KATNAL1: variants seen among roughly 807,000 people sequenced by gnomAD.
KATNAL1 encodes the protein katanin catalytic subunit A1 like 1, also known as katanin p60 ATPase-containing subunit A-like 1.
In KATNAL1, 32 loss-of-function variants were observed where a neutral mutation model predicts 55.2. That is an observed-to-expected ratio of 0.58 (90% CI 0.44 to 0.78). The LOEUF (loss-of-function observed/expected upper bound fraction) is 0.78. Ranked by LOEUF, KATNAL1 falls within the 30% of genes least tolerant of loss-of-function variation. The pLI is 0.00. For synonymous variants in KATNAL1, 193 were observed against 193.6 expected (o/e 1.00, Z 0.02); for missense variants, 466 against 600.9 (o/e 0.78, Z 2.35).
At chr13:30,297,676 T>G (rs1018073779) in intron 1 of KATNAL1, among the ~76,000 whole-genome samples, 1 of 152,342 alleles carries the variant, frequency 6.6e-6, no homozygotes, top group East Asian at 1.9e-4. Flanking sequence ...CATGGAATAC[T>G]ATATGGTCTT....
intron 3 of KATNAL1, among the ~76,000 whole-genome samples, chr13:30,264,647 G>C (rs1879596008): frequency 7.0e-6 from 1 of 143,802 alleles, no homozygotes; most frequent in African/African-American, 2.5e-5. Context: ...GGCCATCAGA[G>C]AAACGCAAAT....
chr13:30,223,314 C>A (rs1381753626), intron 9 of KATNAL1, among the ~76,000 whole-genome samples: 1 of 142,036 alleles, frequency 7.0e-6, no homozygotes, highest in African/African-American at 2.6e-5. Flanking sequence ...TGGTGGCAGG[C>A]GCCTGTGGTC....
rs914593038 is a variant in KATNAL1 at position 30,202,961 on chromosome 13, T to A, written c.*5579A>T. ...TGTCAGTAAAAATGTGACAAAAATG[T>A]GATGTTTTTCCAGGTTTGTGTGTTT... On this transcript the variant is annotated 3_prime_UTR_variant, in exon 11 of 11. Transcript: ENST00000380615. The A allele has an allele frequency of 3.9e-5, 6 of 152,168 alleles. No homozygotes were observed. Among genetic ancestry groups the A allele is most frequent in the Admixed American group, 2.6e-4 (4 of 15,276 alleles). 9.4% of individuals were successfully genotyped at this position (152,168 alleles called of 1,614,324 possible). A position where few individuals can be genotyped will look rare whatever the true frequency, so the allele number is the denominator to read the frequency against.
chr13:30,227,426 A>G lies in KATNAL1; in HGVS notation c.1133T>C (p.Ile378Thr). The G allele has an allele frequency of 6.2e-7, 1 of 1,613,846 alleles. No individual in the cohort carries two copies. Among genetic ancestry groups the G allele is most frequent in the Non-Finnish European group, 8.5e-7 (1 of 1,179,762 alleles). Reference protein sequence around the residue: ...LRRRLEKRIYIPLPTAKGRAE... With the variant: ...LRRRLEKRIYTPLPTAKGRAE... ...AGACATCATACCTGTTGGGAGAGGT[A>G]TATATATCCTTTTTTCTAACCTTCT... is the stretch of plus-strand genomic sequence containing the variant. The change falls in exon 9 of 11, where the codon ATA becomes ACA. Residue 378 changes from isoleucine (I) to threonine (T), a missense_variant. Coordinates refer to ENST00000380615, the MANE Select transcript of KATNAL1 (RefSeq NM_032116.5).
chr13:30,232,062 G>A lies in KATNAL1; in HGVS notation c.727-590C>T, dbSNP rs182559723. 1.0e-3 allele frequency among the ~76,000 whole-genome samples: 153 copies of A among 152,242 alleles called. 1 individual carries two copies. Among genetic ancestry groups the A allele is most frequent in the African/African-American group, 3.5e-3 (147 of 41,542 alleles). ...GCTTATATAAAATAGTAATAGTGAT[G>A]AAAGAACCAGTACAGAATAAAAACT... On this transcript the variant is annotated intron_variant, in intron 6 of 10. Coordinates refer to ENST00000380615, the MANE Select transcript of KATNAL1 (RefSeq NM_032116.5).
At chr13:30,277,243 A>C (rs78994453) in intron 3 of KATNAL1, among the ~76,000 whole-genome samples, 3,083 of 152,348 alleles carry the variant, frequency 0.02, 40 homozygotes, top group Non-Finnish European at 0.032. Context: ...CTCTGAAAGA[A>C]TGCTGTAGTC....
rs147135930 is a variant in KATNAL1 at position 30,244,831 on chromosome 13, C to G, written c.493-3745G>C. On this transcript the variant is annotated intron_variant, in intron 4 of 10. Transcript: ENST00000380615. ...GGATAAATTCCTGGACACATACACCCTCCCAAGACTAAACCAGGAAGAAGT... is the reference window on the plus strand; with the variant it reads ...GGATAAATTCCTGGACACATACACCGTCCCAAGACTAAACCAGGAAGAAGT... Among the ~76,000 whole-genome samples the G allele has an allele frequency of 1.1e-4, 16 of 152,206 alleles. No homozygotes were observed. The East Asian group carries it at 2.9e-3, about 28-fold the overall frequency.
intron 4 of KATNAL1, among the ~76,000 whole-genome samples, chr13:30,248,131 A>T (rs7327225): frequency 0.035 from 5,263 of 152,338 alleles, 102 homozygotes; most frequent in African/African-American, 0.051. Flanking sequence ...TGAAATACAG[A>T]AAGACTGTTC....
chr13:30,245,424 A>G (rs1221806960), intron 4 of KATNAL1, among the ~76,000 whole-genome samples: 1 of 152,222 alleles, frequency 6.6e-6, no homozygotes, highest in East Asian at 1.9e-4. Context: ...AGAGCTATTC[A>G]TGACAAACCC....
At chr13:30,302,077 G>T (rs886353306) in intron 1 of KATNAL1, among the ~76,000 whole-genome samples, 3 of 152,146 alleles carry the variant, frequency 2.0e-5, no homozygotes, top group Admixed American at 1.3e-4. Flanking sequence ...TCGCCATGTT[G>T]CCCAGGCAAC....
chr13:30,291,984 G>A (rs182904092), intron 1 of KATNAL1, among the ~76,000 whole-genome samples: 137 of 152,106 alleles, frequency 9.0e-4, no homozygotes, highest in Admixed American at 2.8e-3. Flanking sequence ...GCAGTGAGCC[G>A]AGATCGCGCC....
chr13:30,206,536 G>A lies in KATNAL1; in HGVS notation c.*2004C>T, dbSNP rs931678279. The A allele has an allele frequency of 6.6e-6, 1 of 151,988 alleles. No individual in the cohort carries two copies. The highest frequency in any genetic ancestry group is 1.9e-4 in the East Asian group (1 of 5,182). 9.4% of individuals were successfully genotyped at this position (151,988 alleles called of 1,614,324 possible). A position where few individuals can be genotyped will look rare whatever the true frequency, so the allele number is the denominator to read the frequency against. The stretch of plus-strand genomic sequence containing the variant: ...TCACAATTACTATGTCATTATCCAT[G>A]AAGAATTCAGAAAAATAATTAAATG... On this transcript the variant is annotated 3_prime_UTR_variant, in exon 11 of 11. Transcript: ENST00000380615.
intron 1 of KATNAL1, chr13:30,306,578 C>G (rs942914069): frequency 3.3e-5 from 5 of 152,214 alleles, no homozygotes; most frequent in Admixed American, 1.3e-4. Context: ...TTATCTATTT[C>G]CACACTTAAC....
Position 30,204,870 on chromosome 13 carries a change from G to T in KATNAL1, c.*3670C>A, listed in dbSNP as rs565103888. The T allele has an allele frequency of 1.3e-5, 2 of 152,186 alleles. No homozygotes were observed. The highest frequency in any genetic ancestry group is 2.9e-5 in the Non-Finnish European group (2 of 68,028). 9.4% of individuals were successfully genotyped at this position (152,186 alleles called of 1,614,324 possible). On this transcript the variant is annotated 3_prime_UTR_variant, in exon 11 of 11. Coordinates refer to ENST00000380615, the MANE Select transcript of KATNAL1 (RefSeq NM_032116.5). ...TAGGTATTGTGGGAGGTAGTGGTCAGACCCGAAAGTGTGTAGATAAAGTCT... is the reference window on the plus strand; with the variant it reads ...TAGGTATTGTGGGAGGTAGTGGTCATACCCGAAAGTGTGTAGATAAAGTCT...
At chr13:30,283,139 A>G (rs889646090) in intron 2 of KATNAL1, among the ~76,000 whole-genome samples, 17 of 150,042 alleles carry the variant, frequency 1.1e-4, no homozygotes, top group Non-Finnish European at 1.9e-4. Context: ...GTGGTGGCAC[A>G]TGCCTGTAGT....
intron 3 of KATNAL1, among the ~76,000 whole-genome samples, chr13:30,257,435 C>G (rs566244527): frequency 6.6e-6 from 1 of 152,210 alleles, no homozygotes; most frequent in Non-Finnish European, 1.5e-5. Context: ...TAGCCAGAGC[C>G]TCTGCTCACC....
intron 9 of KATNAL1, among the ~76,000 whole-genome samples, chr13:30,211,254 T>C (rs999172902): frequency 6.6e-6 from 1 of 152,200 alleles, no homozygotes; most frequent in Non-Finnish European, 1.5e-5. Context: ...CCCATTTCCC[T>C]TTCACTGAGA....
intron 8 of KATNAL1, 150 bp downstream of exon 8, chr13:30,230,318 G>A: frequency 3.1e-6 from 2 of 636,324 alleles, no homozygotes; most frequent in South Asian, 2.7e-5. Flanking sequence ...TGCAAGAAAT[G>A]CTTTCTGAGT....
chr13:30,284,181 A>AAT (rs1881619272), intron 1 of KATNAL1, among the ~76,000 whole-genome samples: 1 of 152,170 alleles, frequency 6.6e-6, no homozygotes, highest in African/African-American at 2.4e-5. Flanking sequence ...TGAAAGTCAA[A>AAT]ATAGTTACCA....
Sources: allele counts gnomAD v4.1 joint callset (sites outside exome capture counted in the v4.1 genomes callset), GRCh38; gene constraint gnomAD v4.1.1; transcripts MANE v1.5; gene names NCBI Gene and HGNC (gene_info 2026-07-23, HGNC 2026-07-21).